PDE4B: variants seen among roughly 807,000 people sequenced by gnomAD.
The protein encoded by PDE4B is phosphodiesterase 4B, also known as 3',5'-cyclic-AMP phosphodiesterase 4B.
A neutral mutation model predicts 82.2 loss-of-function variants in PDE4B; 20 were observed. The observed-to-expected ratio is 0.24, with a 90% CI of 0.17 to 0.35. The LOEUF (loss-of-function observed/expected upper bound fraction) is 0.35. Ranked by LOEUF, PDE4B falls within the 10% of genes least tolerant of loss-of-function variation. The pLI is 1.00. For synonymous variants in PDE4B, 320 were observed against 318.9 expected, an observed-to-expected ratio of 1.00 and a Z score of -0.04; for missense variants, 655 against 907.2, an observed-to-expected ratio of 0.72 and a Z score of 3.57.
At chr1:66,332,654 A>T (rs777853256) in intron 8 of PDE4B, 34 bp downstream of exon 8, 1 of 1,595,278 alleles carries the variant, frequency 6.3e-7, no homozygotes, top group South Asian at 1.1e-5. Flanking sequence ...TTAAAGTGTG[A>T]TCATGCAGGG....
chr1:66,276,510 A>G (rs1357206979), intron 7 of PDE4B, among the ~76,000 whole-genome samples: 1 of 152,250 alleles, frequency 6.6e-6, no homozygotes, highest in Non-Finnish European at 1.5e-5. Context: ...TGACTGGACT[A>G]CCAACAACCT....
At chr1:66,303,223 G>T (rs1053048510) in intron 7 of PDE4B, among the ~76,000 whole-genome samples, 1 of 151,918 alleles carries the variant, frequency 6.6e-6, no homozygotes, top group Non-Finnish European at 1.5e-5. Context: ...CTTCCACATT[G>T]CCCTCAGGGC....
Position 66,368,076 on chromosome 1 carries a change from A to G in PDE4B, c.1662+11A>G, listed in dbSNP as rs772779480. 8 of 1,611,570 alleles carry G rather than the reference A, an allele frequency of 5.0e-6. No individual in the cohort carries two copies. The African/African-American group carries it at 6.7e-5, about 13-fold the overall frequency. ...ACCGATCGCATTCAGGTATTTGAGGAAAGTCTTTGATTTAACACAAAACCA... is the reference window on the plus strand; with the variant it reads ...ACCGATCGCATTCAGGTATTTGAGGGAAGTCTTTGATTTAACACAAAACCA... On this transcript the variant is annotated intron_variant, in intron 15 of 16. Transcript: ENST00000341517.
rs771850099 is a variant in PDE4B, at chr1:65,988,427, GC to G, written c.281+69593del. ...ATACTGTTGTATAACAGCATACACT[GC>G]TGGAAGAGGTATGTTAGTTCATTGG... On this transcript the variant is annotated intron_variant, in intron 3 of 16. Transcript: ENST00000341517. Among the ~76,000 whole-genome samples the G allele has an allele frequency of 1.1e-3, 168 of 152,178 alleles. 1 individual carries two copies. The highest frequency in any genetic ancestry group is 1.9e-3 in the Non-Finnish European group (129 of 67,984).
chr1:65,945,304 T>G (rs1648652039), intron 3 of PDE4B, among the ~76,000 whole-genome samples: 1 of 151,982 alleles, frequency 6.6e-6, no homozygotes. Context: ...CCCTGGCTAT[T>G]TCCTCTACAT....
At chr1:66,249,107 G>A (rs1325341191) in intron 4 of PDE4B, among the ~76,000 whole-genome samples, 1 of 152,214 alleles carries the variant, frequency 6.6e-6, no homozygotes, top group Non-Finnish European at 1.5e-5. Context: ...CAGAGTAGAG[G>A]TGTCCAAGGC....
chr1:66,256,325 G>A (rs916947188), intron 4 of PDE4B, among the ~76,000 whole-genome samples: 1 of 152,186 alleles, frequency 6.6e-6, no homozygotes, highest in Admixed American at 6.5e-5. Context: ...ACTGCTCTGT[G>A]GATCGATGTC....
chr1:65,998,221 T>A (rs534787299), intron 3 of PDE4B, among the ~76,000 whole-genome samples: 1 of 152,290 alleles, frequency 6.6e-6, no homozygotes, highest in South Asian at 2.1e-4. Flanking sequence ...TTTGTTCAAG[T>A]TTACACAGAA....
At chr1:66,091,763 G>A (rs947910895) in intron 3 of PDE4B, among the ~76,000 whole-genome samples, 2 of 152,002 alleles carry the variant, frequency 1.3e-5, no homozygotes, top group African/African-American at 4.8e-5. Flanking sequence ...AGTATCAAGG[G>A]TTATTGGTGG....
At chr1:66,173,645 A>C (rs577149367) in intron 3 of PDE4B, among the ~76,000 whole-genome samples, 195 of 152,250 alleles carry the variant, frequency 1.3e-3, no homozygotes, top group Non-Finnish European at 2.3e-3. Context: ...CAACAGCTGA[A>C]GGCTTGGAAG....
intron 8 of PDE4B, among the ~76,000 whole-genome samples, chr1:66,353,404 G>A (rs746789817): frequency 3.9e-5 from 6 of 152,170 alleles, no homozygotes. Context: ...CCTAGGCACA[G>A]GCGATGGCAT....
At chr1:66,205,970 C>T (rs1390110604) in intron 3 of PDE4B, among the ~76,000 whole-genome samples, 2 of 152,260 alleles carry the variant, frequency 1.3e-5, no homozygotes, top group Admixed American at 1.3e-4. Flanking sequence ...CTCACAGTGA[C>T]TATAGGGACA....
At chr1:66,122,681 A>AT (rs1209725746) in intron 3 of PDE4B, among the ~76,000 whole-genome samples, 1 of 127,026 alleles carries the variant, frequency 7.9e-6, no homozygotes, top group Non-Finnish European at 1.7e-5. Context: ...TTTCTTTAGG[A>AT]TTTTTTTCTT....
intron 3 of PDE4B, among the ~76,000 whole-genome samples, chr1:66,212,328 C>G (rs1413545693): frequency 6.6e-6 from 1 of 152,212 alleles, no homozygotes; most frequent in Non-Finnish European, 1.5e-5. Context: ...CCTTCTTACT[C>G]TTTTGTCTTT....
intron 3 of PDE4B, among the ~76,000 whole-genome samples, chr1:66,195,811 A>G (rs2101500342): frequency 6.6e-6 from 1 of 152,300 alleles, no homozygotes; most frequent in East Asian, 1.9e-4. Flanking sequence ...TAGTATGTCC[A>G]ATGTATATGA....
At chr1:65,831,968 A>T (rs1646086879) in intron 1 of PDE4B, among the ~76,000 whole-genome samples, 1 of 152,190 alleles carries the variant, frequency 6.6e-6, no homozygotes, top group Non-Finnish European at 1.5e-5. Flanking sequence ...CAGGAAGAAG[A>T]ACTTCTGTTG....
At chr1:65,950,590 A>C (rs994406604) in intron 3 of PDE4B, among the ~76,000 whole-genome samples, 6 of 152,112 alleles carry the variant, frequency 3.9e-5, no homozygotes, top group Non-Finnish European at 5.9e-5. Flanking sequence ...CTGATCCTAC[A>C]GGACACTGGA....
At chr1:65,940,038 A>G (rs1482127446) in intron 3 of PDE4B, among the ~76,000 whole-genome samples, 1 of 152,172 alleles carries the variant, frequency 6.6e-6, no homozygotes, top group African/African-American at 2.4e-5. Context: ...GATAAATATA[A>G]TAAATGAAAT....
chr1:66,083,450 G>A (rs1656844803), intron 3 of PDE4B, among the ~76,000 whole-genome samples: 1 of 151,976 alleles, frequency 6.6e-6, no homozygotes, highest in Admixed American at 6.6e-5. Context: ...GTGCTTAAGG[G>A]GTGCTAGGTA....
Sources: gnomAD v4.1 joint callset for allele counts (sites outside exome capture counted in the v4.1 genomes callset) on GRCh38, gnomAD v4.1.1 for gene constraint, MANE v1.5 for transcripts, NCBI Gene and HGNC (gene_info 2026-07-23, HGNC 2026-07-21) for gene names.